Variants in ARFGEF3 observed in about 807,000 individuals in gnomAD.
ARFGEF3 encodes brefeldin A-inhibited guanine nucleotide-exchange protein 3.
Under a neutral mutation model 221.7 loss-of-function variants are expected in ARFGEF3, and 96 were observed. That is an observed-to-expected ratio of 0.43 (90% CI 0.37 to 0.51). The LOEUF (loss-of-function observed/expected upper bound fraction) is 0.51. Ranked by LOEUF, ARFGEF3 falls within the 20% of genes least tolerant of loss-of-function variation. ARFGEF3 has a pLI of 0.00. For missense variants in ARFGEF3, 2,410 were observed against 2,789.9 expected (o/e 0.86, Z 3.07); for synonymous variants, 1,145 against 1,126.8 (o/e 1.02, Z -0.32).
intron 4 of ARFGEF3, among the ~76,000 whole-genome samples, chr6:138,212,005 A>G (rs900745145): frequency 6.6e-6 from 1 of 152,238 alleles, no homozygotes; most frequent in Non-Finnish European, 1.5e-5. Context: ...TGAATCTGTC[A>G]GTCTTTACAA....
intron 5 of ARFGEF3, among the ~76,000 whole-genome samples, chr6:138,233,677 A>G (rs980254024): frequency 1.3e-5 from 2 of 152,090 alleles, no homozygotes; most frequent in African/African-American, 4.8e-5. Context: ...GTACCCGGCC[A>G]ATACTTCTTT....
intron 15 of ARFGEF3, 39 bp downstream of exon 15, chr6:138,286,092 C>A: frequency 9.0e-7 from 1 of 1,115,918 alleles, no homozygotes; most frequent in Non-Finnish European, 1.4e-6. Flanking sequence ...CATCCATACA[C>A]TGCATGTGTT....
intron 10 of ARFGEF3, among the ~76,000 whole-genome samples, chr6:138,261,140 A>T (rs1778782902): frequency 6.6e-6 from 1 of 152,188 alleles, no homozygotes; most frequent in Non-Finnish European, 1.5e-5. Flanking sequence ...ATACTTCTCC[A>T]CCTAGTTTAT....
intron 26 of ARFGEF3, among the ~76,000 whole-genome samples, chr6:138,316,659 C>T (rs577696613): frequency 2.0e-5 from 3 of 151,766 alleles, no homozygotes; most frequent in Non-Finnish European, 4.4e-5. Context: ...AAACATGACA[C>T]CACTATCACA....
At chr6:138,203,232 A>G (rs977642581) in intron 2 of ARFGEF3, among the ~76,000 whole-genome samples, 1 of 152,186 alleles carries the variant, frequency 6.6e-6, no homozygotes, top group East Asian at 1.9e-4. Flanking sequence ...CTCTGATCTT[A>G]TGAGACCAAA....
rs1779312863 is a variant in ARFGEF3, at chr6:138,287,144, A to G, written c.2856A>G (p.Glu952=). ...AAASCVQEEK[E]EREAQEPSDA... ...CCTCCTGTGTCCAAGAAGAAAAAGA[A>G]GAGAGGGAGGCCCAAGAACCCAGTG... Residue 952 remains glutamate (E), a synonymous_variant, in exon 17 of 34, where the codon GAA becomes GAG. Transcript: ENST00000251691. The G allele has an allele frequency of 1.9e-6, 3 of 1,573,454 alleles. No homozygotes were observed. The East Asian group carries it at 7.0e-5, about 37-fold the overall frequency.
intron 4 of ARFGEF3, among the ~76,000 whole-genome samples, chr6:138,219,793 C>CGTGTGT (rs141714713): frequency 8.7e-5 from 13 of 149,098 alleles, no homozygotes; most frequent in Admixed American, 2.0e-4. Flanking sequence ...CATAGATGTG[C>CGTGTGT]GTGTGTGTGT....
chr6:138,164,334 A>T (rs1307994678), intron 1 of ARFGEF3, among the ~76,000 whole-genome samples: 2 of 152,232 alleles, frequency 1.3e-5, no homozygotes, highest in African/African-American at 2.4e-5. Context: ...ATCTAGTGGC[A>T]GTCAGCTGCA....
rs1300953787 is a variant in ARFGEF3, at chr6:138,291,488, G to C, written c.3048-245G>C. The stretch of plus-strand genomic sequence containing the variant: ...CATTGCCCGTCTTTCTCCCAGCCTG[G>C]GGTGGGAGAACCCAAATAATCCTTT... On this transcript the variant is annotated intron_variant, in intron 18 of 33. Transcript: ENST00000251691. The surrounding 1 kb of genome is among the most constrained non-coding windows in gnomAD (Gnocchi z 4.5). Among the ~76,000 whole-genome samples the C allele has an allele frequency of 2.6e-5, 4 of 152,180 alleles. No individual in the cohort carries two copies. The South Asian group carries it at 6.2e-4, about 24-fold the overall frequency.
At chr6:138,186,177 G>C (rs1308698873) in intron 2 of ARFGEF3, among the ~76,000 whole-genome samples, 2 of 152,118 alleles carry the variant, frequency 1.3e-5, no homozygotes. Flanking sequence ...AAATGTACTG[G>C]GACAGAAGAC....
intron 8 of ARFGEF3, among the ~76,000 whole-genome samples, chr6:138,246,240 C>T (rs923125052): frequency 2.6e-5 from 4 of 151,796 alleles, no homozygotes; most frequent in Admixed American, 6.6e-5. Context: ...CAACATGGGG[C>T]GAAAAGTCTC....
rs1779406315 is a variant in ARFGEF3, at chr6:138,291,691, G to A, written c.3048-42G>A. 2 of 1,276,716 alleles carry A rather than the reference G, an allele frequency of 1.6e-6. No homozygotes were observed. The highest frequency in any genetic ancestry group is 1.6e-5 in the African/African-American group (1 of 64,458). The allele number at this position is 1,276,716 out of a possible 1,614,324, so 79.1% of individuals were successfully genotyped here. A position where few individuals can be genotyped will look rare whatever the true frequency, so the allele number is the denominator to read the frequency against. ...GTGGGGTTTATGGAGCTGCCGGGGT[G>A]AGCTGCAGCGCCTAACAGCTGCTTG... On this transcript the variant is annotated intron_variant, in intron 18 of 33. Coordinates refer to ENST00000251691, the MANE Select transcript of ARFGEF3 (RefSeq NM_020340.5). This position sits in a 1 kb window ranked among gnomAD's most constrained non-coding sequence, Gnocchi z 4.5.
At chr6:138,171,019 C>T (rs1484929124) in intron 2 of ARFGEF3, among the ~76,000 whole-genome samples, 1 of 152,006 alleles carries the variant, frequency 6.6e-6, no homozygotes, top group Non-Finnish European at 1.5e-5. Flanking sequence ...TAACAAAGCC[C>T]CACTCCTGTG....
rs574353034 is a variant in ARFGEF3 at position 138,336,342 on chromosome 6, C to A, written c.6390C>A (p.Leu2130=). ...CAGTTCTCAATCAGATTCAGATTCT[C>A]CCAGACCAGACCTTCACGGCCCTCC... ...VLTVLNQIQI[L]PDQTFTALQP... is the part of the protein sequence containing the mutation. Residue 2130 remains leucine (L), a synonymous_variant, in exon 34 of 34, where the codon CTC becomes CTA. Coordinates refer to ENST00000251691, the MANE Select transcript of ARFGEF3 (RefSeq NM_020340.5). 15 of 1,609,442 alleles carry A rather than the reference C, an allele frequency of 9.3e-6. No individual in the cohort carries two copies. In the East Asian group the frequency reaches 2.9e-4, roughly 31 times the overall value.
At chr6:138,328,758 C>T (rs770625986) in intron 32 of ARFGEF3, among the ~76,000 whole-genome samples, 12 of 152,064 alleles carry the variant, frequency 7.9e-5, no homozygotes, top group Non-Finnish European at 1.3e-4. Flanking sequence ...ATCCCAGAAC[C>T]GCAGGAGGAT....
chr6:138,237,763 T>A (rs1778314299), intron 5 of ARFGEF3, among the ~76,000 whole-genome samples: 1 of 152,240 alleles, frequency 6.6e-6, no homozygotes, highest in Non-Finnish European at 1.5e-5. Context: ...GAGAGCCATC[T>A]CGGTGAGTGC....
At chr6:138,290,415 T>C (rs927450543) in intron 18 of ARFGEF3, among the ~76,000 whole-genome samples, 7 of 152,248 alleles carry the variant, frequency 4.6e-5, no homozygotes, top group African/African-American at 1.4e-4. Flanking sequence ...CTACTTTTAA[T>C]TTAGCTAGAC....
intron 12 of ARFGEF3, among the ~76,000 whole-genome samples, chr6:138,276,613 C>T (rs1435610919): frequency 6.6e-6 from 1 of 152,034 alleles, no homozygotes; most frequent in Admixed American, 6.6e-5. Context: ...AGATAACTCA[C>T]ATACCACACA....
rs1453304893 is a variant in ARFGEF3, at chr6:138,298,648, T to G, written c.3691T>G (p.Ser1231Ala). ...KERHVSQKAVSFIHDILTEVL... is the reference protein window; with the variant it reads ...KERHVSQKAVAFIHDILTEVL... ...AAGACATGTGTCTCAGAAGGCTGTT[T>G]CCTTCATCCATGACATACTGACAGA... The change falls in exon 22 of 34, where the codon TCC (serine) becomes GCC (alanine). Residue 1231 changes from serine (S) to alanine (A), a missense_variant. Transcript: ENST00000251691. 1 of 1,613,536 alleles carries G rather than the reference T, an allele frequency of 6.2e-7. No homozygotes were observed. The highest frequency in any genetic ancestry group is 1.1e-5 in the South Asian group (1 of 90,886).
Sources: gnomAD v4.1 joint callset for allele counts (sites outside exome capture counted in the v4.1 genomes callset) on GRCh38, gnomAD v4.1.1 for gene constraint, Gnocchi (gnomAD v3.1) non-coding constraint, MANE v1.5 for transcripts, NCBI Gene and HGNC (gene_info 2026-07-23, HGNC 2026-07-21) for gene names.